Variants in PPFIA4 observed in about 807,000 individuals in gnomAD.
The protein encoded by PPFIA4 is PPFI scaffold protein A4, also known as liprin-alpha-4.
In PPFIA4, 98 loss-of-function variants were observed where a neutral mutation model predicts 145.7. The observed-to-expected ratio is 0.67, with a 90% CI of 0.57 to 0.80. PPFIA4 has a LOEUF of 0.80. Among genes scored for constraint, PPFIA4 ranks in the 30% least tolerant of loss-of-function variants. The pLI is 0.00. For synonymous variants in PPFIA4, 628 were observed against 649.6 expected (o/e 0.97, Z 0.51); for missense variants, 1,457 against 1,632.7 (o/e 0.89, Z 1.85).
intron 6 of PPFIA4, 61 bp from the exon 7 acceptor site, chr1:203,045,307 G>A: frequency 7.1e-7 from 1 of 1,412,482 alleles, no homozygotes; most frequent in Non-Finnish European, 9.5e-7. Flanking sequence ...CCCTGGGATA[G>A]GGGAGTGGGG....
rs528580515 is a variant in PPFIA4 at position 203,076,589 on chromosome 1, G to A, written c.*199G>A. 1.2e-5 allele frequency: 7 copies of A among 602,186 alleles called. No individual in the cohort carries two copies. Among genetic ancestry groups the A allele is most frequent in the South Asian group, 5.9e-5 (3 of 50,608 alleles). The allele number at this position is 602,186 out of a possible 1,614,324, so 37.3% of individuals were successfully genotyped here. A position where few individuals can be genotyped will look rare whatever the true frequency, so the allele number is the denominator to read the frequency against. On this transcript the variant is annotated 3_prime_UTR_variant, in exon 30 of 30. Transcript: ENST00000295706. Reference sequence around the variant, plus strand: ...CCCACCGTGTGTCCGTTGTAAGTCCGGTGGATGTGGCTGGGGTTTCCTGGT... The same window carrying A: ...CCCACCGTGTGTCCGTTGTAAGTCCAGTGGATGTGGCTGGGGTTTCCTGGT...
intron 27 of PPFIA4, among the ~76,000 whole-genome samples, chr1:203,069,289 A>C (rs956671077): frequency 2.0e-5 from 3 of 152,186 alleles, no homozygotes; most frequent in African/African-American, 7.2e-5. Flanking sequence ...AGATTCTAGA[A>C]GTACTGCTTG....
Position 203,056,340 on chromosome 1 carries a change from C to T in PPFIA4, c.2107-35C>T, listed in dbSNP as rs865895078. ...CTGGGTAGGCAGGCCCGAGATCTCT[C>T]CCTCTATCCCCTGACGGCTCCACTG... On this transcript the variant is annotated intron_variant, in intron 17 of 29. Coordinates refer to ENST00000295706, the MANE Select transcript of PPFIA4 (RefSeq NM_001304331.2). 4.3e-6 allele frequency: 7 copies of T among 1,609,782 alleles called. No individual in the cohort carries two copies. In the South Asian group the frequency reaches 6.6e-5, roughly 15 times the overall value.
chr1:203,031,338 G>T (rs1658811420), intron 1 of PPFIA4, among the ~76,000 whole-genome samples: 1 of 152,210 alleles, frequency 6.6e-6, no homozygotes, highest in Non-Finnish European at 1.5e-5. Flanking sequence ...TGCACCGAGG[G>T]CTTATGCCCG....
At position 203,034,563 on chromosome 1, in the gene PPFIA4, G is replaced by GA. The variant is rs1387291466; in HGVS notation, c.-399-4045dup. ...CTATGGGAGTGGGGGGCAGTGGGGG[G>GA]AACTCAGGGAAGCTGCCTACAACTT... On this transcript the variant is annotated intron_variant, in intron 1 of 29. Coordinates refer to ENST00000295706, the MANE Select transcript of PPFIA4 (RefSeq NM_001304331.2). The GA allele has an allele frequency of 2.4e-5, 11 of 456,246 alleles. No homozygotes were observed. In the Admixed American group the frequency reaches 2.6e-4, roughly 11 times the overall value. The allele number at this position is 456,246 out of a possible 1,614,324, so 28.3% of individuals were successfully genotyped here.
Position 203,063,936 on chromosome 1 carries a change from C to T in PPFIA4, c.2983C>T (p.Arg995Cys), listed in dbSNP as rs963435322. 3.7e-6 allele frequency: 6 copies of T among 1,614,048 alleles called. No homozygotes were observed. Among genetic ancestry groups the T allele is most frequent in the South Asian group, 1.1e-5 (1 of 91,082 alleles). ...CTTCATGGAGTGCCTGGTGGACGCC[C>T]GCATGCTGGACCACCTCACCAAGAA... The part of the protein sequence containing the change: ...SYFMECLVDA[R>C]MLDHLTKKDL... Residue 995 changes from arginine (R) to cysteine (C), a missense_variant, in exon 25 of 30, where the codon CGC (arginine) becomes TGC (cysteine). By Grantham distance (180) the Arg-to-Cys change is radical. Coordinates refer to ENST00000295706, the MANE Select transcript of PPFIA4 (RefSeq NM_001304331.2).
intron 1 of PPFIA4, among the ~76,000 whole-genome samples, chr1:203,038,340 C>T (rs139946798): frequency 1.4e-4 from 21 of 152,324 alleles, no homozygotes; most frequent in African/African-American, 4.8e-4. Context: ...GCCAGTGAGC[C>T]ACGTGGGTAG....
chr1:203,060,330 C>T lies in PPFIA4; in HGVS notation c.2697C>T (p.Ser899=). The change falls in exon 22 of 30, where the codon AGC becomes AGT. Residue 899 remains serine, a synonymous_variant. Coordinates refer to ENST00000295706, the MANE Select transcript of PPFIA4 (RefSeq NM_001304331.2). The surrounding 1 kb of genome is among the most constrained non-coding windows in gnomAD (Gnocchi z 4.8). ...AGATCCAGCGGGAGATCGGCATCAG[C>T]AATGCCCTGCACCGGCTCAAGCTCC... ...DTEIQREIGI[S]NALHRLKLRL... 2 of 1,614,080 alleles carry T rather than the reference C, an allele frequency of 1.2e-6. No homozygotes were observed. Among genetic ancestry groups the T allele is most frequent in the Non-Finnish European group, 1.7e-6 (2 of 1,179,926 alleles).
chr1:203,076,228 C>A, intron 29 of PPFIA4, 113 bp from the exon 30 acceptor site: 1 of 1,236,592 alleles, frequency 8.1e-7, no homozygotes, highest in Non-Finnish European at 1.2e-6. Flanking sequence ...GCCTGGGGCG[C>A]TTTGCGCTTG....
At chr1:203,058,547 T>A (rs925919380) in intron 19 of PPFIA4, among the ~76,000 whole-genome samples, 6 of 152,136 alleles carry the variant, frequency 3.9e-5, no homozygotes, top group Non-Finnish European at 7.4e-5. Flanking sequence ...GCACCTCAGA[T>A]TGGTTTCTGG....
At chr1:203,028,587 G>C (rs939566875) in intron 1 of PPFIA4, among the ~76,000 whole-genome samples, 4 of 152,140 alleles carry the variant, frequency 2.6e-5, no homozygotes, top group African/African-American at 4.8e-5. Flanking sequence ...CTACTGTGTT[G>C]GCTCCATAGG....
chr1:203,049,749 T>G lies in PPFIA4; in HGVS notation c.1493T>G (p.Val498Gly). ...DQLKGRGGPFVDGVHSRSHMG... is the reference protein window; with the variant it reads ...DQLKGRGGPFGDGVHSRSHMG... Reference sequence around the variant, plus strand: ...CTGAAGGGCCGAGGGGGGCCGTTTGTGGATGGCGTCCACTCCAGGTACTGC... The same window carrying G: ...CTGAAGGGCCGAGGGGGGCCGTTTGGGGATGGCGTCCACTCCAGGTACTGC... The change falls in exon 13 of 30, where the codon GTG becomes GGG. Residue 498 changes from valine to glycine, a missense_variant. Val to Gly is a moderately radical substitution (Grantham distance 109). Coordinates refer to ENST00000295706, the MANE Select transcript of PPFIA4 (RefSeq NM_001304331.2). The G allele has an allele frequency of 6.3e-7, 1 of 1,587,492 alleles. No individual in the cohort carries two copies. The highest frequency in any genetic ancestry group is 8.6e-7 in the Non-Finnish European group (1 of 1,166,634).
At position 203,037,208 on chromosome 1, in the gene PPFIA4, A is replaced by C. The variant is rs1478078467; in HGVS notation, c.-399-1402A>C. On this transcript the variant is annotated intron_variant, in intron 1 of 29. Coordinates refer to ENST00000295706, the MANE Select transcript of PPFIA4 (RefSeq NM_001304331.2). ...ACTCTGGGGAGGGGGTCCAGGTAGG[A>C]GAGGCCCGGCCCTTCTCTCTTTTCC... 1.1e-5 allele frequency: 4 copies of C among 368,798 alleles called. No homozygotes were observed. The Admixed American group carries it at 1.1e-4, about 11-fold the overall frequency. The allele number at this position is 368,798 out of a possible 1,614,324, so 22.8% of individuals were successfully genotyped here. A position where few individuals can be genotyped will look rare whatever the true frequency, so the allele number is the denominator to read the frequency against.
chr1:203,053,782 G>C lies in PPFIA4; in HGVS notation c.1650G>C (p.Met550Ile). Residue 550 changes from methionine to isoleucine, a missense_variant, in exon 15 of 30, where the codon ATG becomes ATC. This residue lies in a region of PPFIA4 where 848 missense variants were observed against 1,046.7 expected (regional missense o/e 0.81). Coordinates refer to ENST00000295706, the MANE Select transcript of PPFIA4 (RefSeq NM_001304331.2). ...KDWETSPLPG[M>I]LAPAAGPAFD... ...GGGAGACTTCTCCACTGCCTGGGAT[G>C]CTGGCCCCGGCAGCTGGCCCTGCCT... The C allele has an allele frequency of 6.4e-7, 1 of 1,551,712 alleles. No individual in the cohort carries two copies. The highest frequency in any genetic ancestry group is 1.4e-5 in the African/African-American group (1 of 73,202).
chr1:203,059,886 T>A (rs974099792), intron 21 of PPFIA4, 35 bp downstream of exon 21: 3 of 1,552,122 alleles, frequency 1.9e-6, no homozygotes, highest in Admixed American at 1.8e-5. Flanking sequence ...CTCAGGGGTC[T>A]GGAGGGAAGG....
Position 203,076,266 on chromosome 1 carries a change from A to G in PPFIA4, c.3575-75A>G. On this transcript the variant is annotated intron_variant, in intron 29 of 29. Coordinates refer to ENST00000295706, the MANE Select transcript of PPFIA4 (RefSeq NM_001304331.2). ...GCACGCTGCGTTGCCGCTGTCGCAC[A>G]CATCCTACAACCTCTCTCGCAGATG... 2.0e-6 allele frequency: 3 copies of G among 1,494,724 alleles called. No homozygotes were observed. In the East Asian group the frequency reaches 6.8e-5, roughly 34 times the overall value. 92.6% of individuals were successfully genotyped at this position (1,494,724 alleles called of 1,614,324 possible). A position where few individuals can be genotyped will look rare whatever the true frequency, so the allele number is the denominator to read the frequency against.
intron 7 of PPFIA4, 93 bp from the exon 8 acceptor site, chr1:203,045,748 G>T: frequency 6.3e-7 from 1 of 1,578,744 alleles, no homozygotes; most frequent in Non-Finnish European, 8.6e-7. Context: ...CCCCTTAATG[G>T]GTTCCAATCA....
intron 2 of PPFIA4, among the ~76,000 whole-genome samples, 184 bp downstream of exon 2, chr1:203,039,426 A>G (rs561679261): frequency 1.6e-4 from 24 of 152,260 alleles, no homozygotes; most frequent in Non-Finnish European, 3.2e-4. Context: ...CTCAGTCTGG[A>G]AGGTGAAATG....
chr1:203,061,159 G>A (rs943743245), intron 23 of PPFIA4, 127 bp downstream of exon 23: 14 of 893,894 alleles, frequency 1.6e-5, no homozygotes, highest in African/African-American at 3.3e-5. Flanking sequence ...TGGTATCCCT[G>A]AGGTGTGATC....
Sources: allele counts gnomAD v4.1 joint callset (sites outside exome capture counted in the v4.1 genomes callset), GRCh38; gene constraint gnomAD v4.1.1; regional missense constraint gnomAD v4.1.1; non-coding constraint Gnocchi (gnomAD v3.1); transcripts MANE v1.5; gene names NCBI Gene and HGNC (gene_info 2026-07-23, HGNC 2026-07-21).